Variants in PCDHGB1 observed in about 807,000 individuals in gnomAD.
PCDHGB1 encodes the protein protocadherin gamma subfamily B, 1, also known as protocadherin gamma-B1.
PCDHGB1 carries 34 observed loss-of-function variants against 56.6 expected under a neutral mutation model. The observed-to-expected ratio is 0.60, with a 90% CI of 0.46 to 0.80. PCDHGB1 has a LOEUF of 0.80. Among genes scored for constraint, PCDHGB1 ranks in the 30% least tolerant of loss-of-function variants. The probability of loss-of-function intolerance (pLI) is 0.00; values close to 1 mark genes in which losing one functional copy is unlikely to be tolerated. For missense variants in PCDHGB1, 1,278 were observed against 1,204.6 expected, an observed-to-expected ratio of 1.06 and a Z score of -0.90; for synonymous variants, 561 against 505.9, an observed-to-expected ratio of 1.11 and a Z score of -1.46.
chr5:141,426,711 G>C, intron 1 of PCDHGB1: 1 of 444,496 alleles, frequency 2.2e-6, no homozygotes, highest in Non-Finnish European at 4.6e-6. Flanking sequence ...ACAAATCAAT[G>C]AACTAGCAAT....
intron 1 of PCDHGB1, chr5:141,374,093 C>T (rs1039229802): frequency 6.4e-7 from 1 of 1,554,822 alleles, no homozygotes; most frequent in Middle Eastern, 1.8e-4. Context: ...AATGGCGCCT[C>T]CGCAGAGGCA....
intron 2 of PCDHGB1, among the ~76,000 whole-genome samples, chr5:141,504,786 C>A (rs568185327): frequency 6.6e-6 from 1 of 152,014 alleles, no homozygotes; most frequent in South Asian, 2.1e-4. Context: ...TCTCTTGGGG[C>A]CTCCTACATC....
At chr5:141,462,335 A>G in intron 1 of PCDHGB1, among the ~76,000 whole-genome samples, 1 of 152,220 alleles carries the variant, frequency 6.6e-6, no homozygotes, top group East Asian at 1.9e-4. Context: ...ATTTAATTGT[A>G]TTGTGATCCA....
chr5:141,389,771 C>G, intron 1 of PCDHGB1: 1 of 1,613,206 alleles, frequency 6.2e-7, no homozygotes, highest in Non-Finnish European at 8.5e-7. Context: ...CAGCGCGTGC[C>G]TTAGGCGACA....
rs1353331029 is a variant in PCDHGB1 at position 141,350,834 on chromosome 5, C to T, written c.574C>T (p.Leu192=). The change falls in exon 1 of 4, where the codon CTG becomes TTG. Residue 192 remains leucine (L), a synonymous_variant. Coordinates refer to ENST00000523390, the MANE Select transcript of PCDHGB1 (RefSeq NM_018922.3). ...SPDGSKYPVL[L]LEKPLDREHQ... Reference sequence around the variant, plus strand: ...TGATGGAAGTAAATATCCGGTATTACTGCTGGAAAAACCTCTAGACAGGGA... The same window carrying T: ...TGATGGAAGTAAATATCCGGTATTATTGCTGGAAAAACCTCTAGACAGGGA... 6.2e-7 allele frequency: 1 copy of T among 1,614,054 alleles called. No individual in the cohort carries two copies. The highest frequency in any genetic ancestry group is 1.7e-5 in the Admixed American group (1 of 60,030).
intron 1 of PCDHGB1, chr5:141,404,341 AAAC>A (rs769977252): frequency 6.2e-7 from 1 of 1,613,966 alleles, no homozygotes; most frequent in Non-Finnish European, 8.5e-7. Flanking sequence ...ACCTCCCGGA[AAAC>A]AACGCCAGAG....
At chr5:141,378,951 C>T (rs1775267163) in intron 1 of PCDHGB1, 1 of 152,180 alleles carries the variant, frequency 6.6e-6, no homozygotes, top group South Asian at 2.1e-4. Context: ...GAATGGAGTA[C>T]AGGGGATTCT....
chr5:141,369,443 G>T (rs1052997530), intron 1 of PCDHGB1, among the ~76,000 whole-genome samples: 1 of 152,056 alleles, frequency 6.6e-6, no homozygotes, highest in Non-Finnish European at 1.5e-5. Context: ...GAGGTGGGAG[G>T]ATTGCTTAAA....
chr5:141,374,563 T>G, intron 1 of PCDHGB1: 1 of 1,613,710 alleles, frequency 6.2e-7, no homozygotes, highest in South Asian at 1.1e-5. Context: ...TCTATGACCC[T>G]GATGTGGGAA....
At chr5:141,376,144 G>T (rs753001081) in intron 1 of PCDHGB1, 1 of 1,613,918 alleles carries the variant, frequency 6.2e-7, no homozygotes, top group Non-Finnish European at 8.5e-7. Flanking sequence ...CCAACGATTC[G>T]GACCTCACTC....
At chr5:141,386,979 T>C (rs2090768348) in intron 1 of PCDHGB1, among the ~76,000 whole-genome samples, 1 of 152,202 alleles carries the variant, frequency 6.6e-6, no homozygotes, top group South Asian at 2.1e-4. Flanking sequence ...ACTTTGTGTT[T>C]TGAGGCTATG....
chr5:141,401,211 G>A (rs1180713351), intron 1 of PCDHGB1, among the ~76,000 whole-genome samples: 5 of 151,994 alleles, frequency 3.3e-5, no homozygotes, highest in South Asian at 2.1e-4. Context: ...GTGTGGTGGC[G>A]GGCGCCTGTA....
rs779792543 is a variant in PCDHGB1 at position 141,486,994 on chromosome 5, C to T, written c.2410-7813C>T. ...ATTCAGGTTACAATGCTTGGGTTTCCTATCAGCTCCTGGAGGCCCCAGATC... is the reference window on the plus strand; with the variant it reads ...ATTCAGGTTACAATGCTTGGGTTTCTTATCAGCTCCTGGAGGCCCCAGATC... On this transcript the variant is annotated intron_variant, in intron 1 of 3. Coordinates refer to ENST00000523390, the MANE Select transcript of PCDHGB1 (RefSeq NM_018922.3). This position sits in a 1 kb window ranked among gnomAD's most constrained non-coding sequence, Gnocchi z 5.0. The T allele has an allele frequency of 6.2e-7, 1 of 1,614,214 alleles. No individual in the cohort carries two copies. The highest frequency in any genetic ancestry group is 8.5e-7 in the Non-Finnish European group (1 of 1,180,034).
Position 141,500,858 on chromosome 5 carries a change from A to G in PCDHGB1, c.2469-4535A>G, listed in dbSNP as rs1160743056. Among the ~76,000 whole-genome samples the G allele has an allele frequency of 3.3e-5, 5 of 150,740 alleles. No individual in the cohort carries two copies. The South Asian group carries it at 1.0e-3, about 32-fold the overall frequency. ...TAATGGGCTTTTGCTACATTAGAAA[A>G]CATACACATTCATTTACAATTTTTT... On this transcript the variant is annotated intron_variant, in intron 2 of 3. Coordinates refer to ENST00000523390, the MANE Select transcript of PCDHGB1 (RefSeq NM_018922.3).
intron 1 of PCDHGB1, chr5:141,370,579 C>T (rs1363089193): frequency 1.9e-6 from 3 of 1,613,818 alleles, no homozygotes; most frequent in Non-Finnish European, 2.5e-6. Context: ...GGGGATTTAC[C>T]TACTAGGAAC....
At chr5:141,453,871 A>T (rs561367146) in intron 1 of PCDHGB1, among the ~76,000 whole-genome samples, 8 of 152,364 alleles carry the variant, frequency 5.3e-5, no homozygotes, top group African/African-American at 1.9e-4. Flanking sequence ...ACAGATGAGC[A>T]AAATAATGTG....
chr5:141,442,697 G>C (rs1443734141), intron 1 of PCDHGB1, among the ~76,000 whole-genome samples: 2 of 152,258 alleles, frequency 1.3e-5, no homozygotes, highest in East Asian at 1.9e-4. Flanking sequence ...AGGCAGACAA[G>C]AGTATCAGAC....
chr5:141,362,025 T>A (rs1199168452), intron 1 of PCDHGB1: 3 of 1,608,318 alleles, frequency 1.9e-6, no homozygotes, highest in Admixed American at 3.3e-5. Flanking sequence ...GCACAGCGCG[T>A]GCCTTGGGCG....
intron 1 of PCDHGB1, among the ~76,000 whole-genome samples, chr5:141,443,466 A>G (rs1402303157): frequency 6.6e-6 from 1 of 152,184 alleles, no homozygotes; most frequent in East Asian, 1.9e-4. Flanking sequence ...AGTCTGGGTG[A>G]CAGAATTAGA....
Sources: allele counts gnomAD v4.1 joint callset (sites outside exome capture counted in the v4.1 genomes callset), GRCh38; gene constraint gnomAD v4.1.1; non-coding constraint Gnocchi (gnomAD v3.1); transcripts MANE v1.5; gene names NCBI Gene and HGNC (gene_info 2026-07-23, HGNC 2026-07-21).